Variants in KCNQ3 observed in about 807,000 individuals in gnomAD.
KCNQ3 encodes the protein potassium voltage-gated channel subfamily Q member 3.
Under a neutral mutation model 92.5 loss-of-function variants are expected in KCNQ3, and 30 were observed. That is an observed-to-expected ratio of 0.32 (90% confidence interval 0.24 to 0.44). The LOEUF (loss-of-function observed/expected upper bound fraction) is 0.44, where lower values mean the gene tolerates loss of function less well. Ranked by LOEUF, KCNQ3 falls within the 20% of genes least tolerant of loss-of-function variation. The probability of loss-of-function intolerance (pLI) is 1.00; values close to 1 mark genes in which losing one functional copy is unlikely to be tolerated. For missense variants in KCNQ3, 913 were observed against 1,140.3 expected (o/e 0.80, Z 2.87); for synonymous variants, 450 against 468.8 (o/e 0.96, Z 0.52).
In KCNQ3 at chr8:132,303,585, G is replaced by A. The variant is rs1202836759; in HGVS notation, c.387-117404C>T. Among the ~76,000 whole-genome samples the A allele has an allele frequency of 5.8e-3, 128 of 22,148 alleles. 5 individuals are homozygous for A. The highest frequency in any genetic ancestry group is 0.014 in the East Asian group (4 of 278). 14.5% of individuals were successfully genotyped at this position (22,148 alleles called of 152,430 possible). A position where few individuals can be genotyped will look rare whatever the true frequency, so the allele number is the denominator to read the frequency against. On this transcript the variant is annotated intron_variant, in intron 1 of 14. Transcript: ENST00000388996. ...AATGTGATATATATATATATGGTGT[G>A]TGTGTATATATATATGGTGTGTATA...
chr8:132,129,528 C>T lies in KCNQ3; in HGVS notation c.2353G>A (p.Asp785Asn), dbSNP rs1824785915. The T allele has an allele frequency of 1.2e-6, 2 of 1,614,102 alleles. No homozygotes were observed. ...ATCAGGGACAGAGGTGTGTCACTGT[C>T]TCGCGTGATGCTACGTCTCTGCCGG... ...SPRQRRSITRDSDTPLSLMSV... is the reference protein window; with the variant it reads ...SPRQRRSITRNSDTPLSLMSV... Residue 785 changes from aspartate (D) to asparagine (N), a missense_variant, in exon 15 of 15, where the codon GAC becomes AAC. Physicochemically the swap from Asp to Asn is conservative, Grantham distance 23. Coordinates refer to ENST00000388996, the MANE Select transcript of KCNQ3 (RefSeq NM_004519.4). The surrounding 1 kb of genome is among the most constrained non-coding windows in gnomAD (Gnocchi z 5.9).
chr8:132,376,583 A>T (rs539633000), intron 1 of KCNQ3, among the ~76,000 whole-genome samples: 2 of 152,200 alleles, frequency 1.3e-5, no homozygotes, highest in African/African-American at 4.8e-5. Context: ...GAGCTAGAAA[A>T]TACATTGCTT....
chr8:132,154,192 AGTTTTTTTTTTTTT>A (rs1407401230), intron 9 of KCNQ3, among the ~76,000 whole-genome samples: 1 of 104,472 alleles, frequency 9.6e-6, no homozygotes, highest in Non-Finnish European at 2.0e-5. Flanking sequence ...AAAGGGTAAA[AGTTTTTTTTTTTTT>A]TTTTTTTTTT....
intron 9 of KCNQ3, among the ~76,000 whole-genome samples, chr8:132,161,953 C>G (rs1826004026): frequency 6.6e-6 from 1 of 152,246 alleles, no homozygotes; most frequent in African/African-American, 2.4e-5. Context: ...CAGTCTGACT[C>G]TGTCCCAACC....
rs1009414664 is a variant in KCNQ3 at position 132,476,517 on chromosome 8, T to C, written c.386+3630A>G. Among the ~76,000 whole-genome samples the C allele has an allele frequency of 2.0e-5, 3 of 152,230 alleles. No individual in the cohort carries two copies. The South Asian group carries it at 6.2e-4, about 31-fold the overall frequency. On this transcript the variant is annotated intron_variant, in intron 1 of 14. Coordinates refer to ENST00000388996, the MANE Select transcript of KCNQ3 (RefSeq NM_004519.4). Reference sequence around the variant, plus strand: ...GGTGGCCTGGATGTGAGACATGGAATCAAAGGACATTATTTTGGAGCTTTT... The same window carrying C: ...GGTGGCCTGGATGTGAGACATGGAACCAAAGGACATTATTTTGGAGCTTTT...
At chr8:132,359,546 T>G (rs1819109156) in intron 1 of KCNQ3, among the ~76,000 whole-genome samples, 1 of 152,134 alleles carries the variant, frequency 6.6e-6, no homozygotes, top group South Asian at 2.1e-4. Flanking sequence ...GCTAGATTTC[T>G]GCATCAGAAA....
intron 1 of KCNQ3, among the ~76,000 whole-genome samples, chr8:132,295,064 G>A (rs1035096623): frequency 4.6e-5 from 7 of 152,142 alleles, no homozygotes; most frequent in African/African-American, 1.7e-4. Flanking sequence ...AAGAGCTTCT[G>A]CACAGCAAAA....
chr8:132,210,550 C>T (rs1258464465), intron 1 of KCNQ3, among the ~76,000 whole-genome samples: 1 of 152,236 alleles, frequency 6.6e-6, no homozygotes, highest in Non-Finnish European at 1.5e-5. Context: ...TATCATCTCA[C>T]AGTATCTATG....
At chr8:132,411,303 T>G (rs1820644865) in intron 1 of KCNQ3, among the ~76,000 whole-genome samples, 1 of 152,174 alleles carries the variant, frequency 6.6e-6, no homozygotes, top group Non-Finnish European at 1.5e-5. Flanking sequence ...CTGGAGAGTG[T>G]ACTGTCCCCA....
chr8:132,296,622 G>A lies in KCNQ3; in HGVS notation c.387-110441C>T, dbSNP rs537677726. The stretch of plus-strand genomic sequence containing the variant: ...TTCCCATTGTTCAATTCCCACCTAT[G>A]AGTGAGAATATGCGGTGTTTGGTTT... On this transcript the variant is annotated intron_variant, in intron 1 of 14. Transcript: ENST00000388996. Among the ~76,000 whole-genome samples, 51 of 150,970 alleles carry A rather than the reference G, an allele frequency of 3.4e-4. 1 individual carries two copies. Among genetic ancestry groups the A allele is most frequent in the African/African-American group, 1.2e-3 (51 of 41,004 alleles).
At chr8:132,246,405 T>C (rs1325957422) in intron 1 of KCNQ3, among the ~76,000 whole-genome samples, 1 of 152,220 alleles carries the variant, frequency 6.6e-6, no homozygotes, top group African/African-American at 2.4e-5. Flanking sequence ...TGCAGAGAAA[T>C]ATGCTGCTTT....
At chr8:132,293,346 C>A (rs189733231) in intron 1 of KCNQ3, among the ~76,000 whole-genome samples, 91 of 152,120 alleles carry the variant, frequency 6.0e-4, no homozygotes, top group Admixed American at 2.0e-3. Flanking sequence ...AGGACTGAGC[C>A]CCCAACCTAT....
At chr8:132,180,982 C>A (rs1396475936) in intron 3 of KCNQ3, among the ~76,000 whole-genome samples, 2 of 152,126 alleles carry the variant, frequency 1.3e-5, no homozygotes, top group African/African-American at 2.4e-5. Flanking sequence ...AAGGTCATCC[C>A]TAGCACTGTC....
chr8:132,202,628 C>A (rs915712905), intron 1 of KCNQ3, among the ~76,000 whole-genome samples: 1 of 152,212 alleles, frequency 6.6e-6, no homozygotes, highest in Admixed American at 6.5e-5. Context: ...GGCATGGACA[C>A]AGTTTAGCCA....
chr8:132,300,205 C>A, intron 1 of KCNQ3, among the ~76,000 whole-genome samples: 1 of 152,162 alleles, frequency 6.6e-6, no homozygotes, highest in African/African-American at 2.4e-5. Context: ...AAGAATGGAC[C>A]ATGGATCATT....
At chr8:132,295,566 A>T (rs559913667) in intron 1 of KCNQ3, among the ~76,000 whole-genome samples, 1 of 152,268 alleles carries the variant, frequency 6.6e-6, no homozygotes, top group East Asian at 1.9e-4. Flanking sequence ...TCATTCTATT[A>T]TAAAGATACA....
intron 1 of KCNQ3, among the ~76,000 whole-genome samples, chr8:132,190,022 C>T (rs1405007471): frequency 6.6e-6 from 1 of 151,912 alleles, no homozygotes; most frequent in Non-Finnish European, 1.5e-5. Flanking sequence ...TCAACCACAG[C>T]CTCATAAGTG....
chr8:132,350,989 CCTA>C (rs1818843056), intron 1 of KCNQ3, among the ~76,000 whole-genome samples: 1 of 152,106 alleles, frequency 6.6e-6, no homozygotes, highest in South Asian at 2.1e-4. Context: ...ACCCACCTGA[CCTA>C]CTCGCACCCC....
chr8:132,202,011 T>C (rs1399239558), intron 1 of KCNQ3, among the ~76,000 whole-genome samples: 1 of 152,246 alleles, frequency 6.6e-6, no homozygotes, highest in African/African-American at 2.4e-5. Flanking sequence ...TACGTTATCA[T>C]GTATTTCTTC....
Sources: allele counts gnomAD v4.1 joint callset (sites outside exome capture counted in the v4.1 genomes callset), GRCh38; gene constraint gnomAD v4.1.1; non-coding constraint Gnocchi (gnomAD v3.1); transcripts MANE v1.5; gene names NCBI Gene and HGNC (gene_info 2026-07-23, HGNC 2026-07-21).